The following SENP6 variants were observed in gnomAD, a reference collection of about 807,000 sequenced individuals.
SENP6 encodes the protein sentrin-specific protease 6.
A neutral mutation model predicts 134.5 loss-of-function variants in SENP6; 41 were observed. The ratio of observed to expected loss-of-function variants is 0.30; its 90% CI spans 0.24 to 0.40. SENP6 has a LOEUF of 0.40. Among genes scored for constraint, SENP6 ranks in the 10% least tolerant of loss-of-function variants. SENP6 has a pLI of 1.00. For synonymous variants in SENP6, 395 were observed against 429.8 expected (o/e 0.92, Z 1.00); for missense variants, 1,248 against 1,312.5 (o/e 0.95, Z 0.76).
At chr6:75,694,172 C>T (rs1774494676) in intron 16 of SENP6, among the ~76,000 whole-genome samples, 1 of 152,176 alleles carries the variant, frequency 6.6e-6, no homozygotes, top group Non-Finnish European at 1.5e-5. Flanking sequence ...AAGAGAATCG[C>T]TTGAACCCGG....
At chr6:75,699,336 A>G (rs1339652248) in intron 18 of SENP6, among the ~76,000 whole-genome samples, 1 of 124,620 alleles carries the variant, frequency 8.0e-6, no homozygotes, top group Non-Finnish European at 1.6e-5. Context: ...AAATCAAGAG[A>G]GCTTGTTTTT....
At chr6:75,623,104 A>G (rs528147300) in intron 2 of SENP6, among the ~76,000 whole-genome samples, 4 of 152,350 alleles carry the variant, frequency 2.6e-5, no homozygotes, top group East Asian at 1.9e-4. Flanking sequence ...GTAATACAAC[A>G]TTTTACATTT....
At chr6:75,625,593 G>A (rs1768621299) in intron 3 of SENP6, among the ~76,000 whole-genome samples, 1 of 152,176 alleles carries the variant, frequency 6.6e-6, no homozygotes, top group South Asian at 2.1e-4. Context: ...TTGGGGCTGG[G>A]CACAGTGGCT....
chr6:75,693,225 C>A (rs930687524), intron 16 of SENP6, among the ~76,000 whole-genome samples: 2 of 151,472 alleles, frequency 1.3e-5, no homozygotes, highest in Admixed American at 6.6e-5. Flanking sequence ...CATGGTGAAA[C>A]CTGGCCTCTA....
rs768340836 is a variant in SENP6 at position 75,677,198 on chromosome 6, G to T, written c.1790G>T (p.Arg597Ile). ...AATGGCAGACTTGTTGCCTGTACAA[G>T]AACCTATGAAGAGAGCATCAAAGGA... ...EANGRLVACT[R>I]TYEESIKGSC... Residue 597 changes from arginine (R) to isoleucine (I), a missense_variant, in exon 14 of 24, where the codon AGA becomes ATA. This residue lies in a region of SENP6 where 733 missense variants were observed against 725.4 expected (regional missense o/e 1.01). Coordinates refer to ENST00000447266, the MANE Select transcript of SENP6 (RefSeq NM_015571.4). 1 of 1,612,204 alleles carries T rather than the reference G, an allele frequency of 6.2e-7. No individual in the cohort carries two copies. Among genetic ancestry groups the T allele is most frequent in the Non-Finnish European group, 8.5e-7 (1 of 1,179,026 alleles).
intron 17 of SENP6, among the ~76,000 whole-genome samples, chr6:75,697,012 A>G (rs1363966721): frequency 6.6e-6 from 1 of 152,196 alleles, no homozygotes; most frequent in African/African-American, 2.4e-5. Flanking sequence ...GGTTTTGACC[A>G]GTGCTCATGG....
chr6:75,668,392 T>C (rs1772412778), intron 10 of SENP6, among the ~76,000 whole-genome samples: 3 of 152,186 alleles, frequency 2.0e-5, no homozygotes, highest in African/African-American at 7.2e-5. Flanking sequence ...TAGTAAGCTA[T>C]GTGACAAAGT....
chr6:75,633,065 TA>T (rs1769231670), intron 3 of SENP6, among the ~76,000 whole-genome samples: 1 of 152,226 alleles, frequency 6.6e-6, no homozygotes, highest in Non-Finnish European at 1.5e-5. Context: ...GCCTGTTATA[TA>T]CTGTGATCTC....
chr6:75,694,170 C>T (rs187905288), intron 16 of SENP6, among the ~76,000 whole-genome samples: 169 of 152,256 alleles, frequency 1.1e-3, no homozygotes, highest in African/African-American at 3.9e-3. Flanking sequence ...GCAAGAGAAT[C>T]GCTTGAACCC....
At chr6:75,623,347 A>G (rs569097166) in intron 2 of SENP6, among the ~76,000 whole-genome samples, 1 of 152,308 alleles carries the variant, frequency 6.6e-6, no homozygotes, top group East Asian at 1.9e-4. Context: ...GTTAATAGAT[A>G]CATTAGTTTA....
intron 18 of SENP6, among the ~76,000 whole-genome samples, chr6:75,701,459 A>G (rs554063556): frequency 1.3e-5 from 2 of 152,306 alleles, no homozygotes; most frequent in African/African-American, 2.4e-5. Context: ...TTTTTAATGT[A>G]TTAAATTTCA....
intron 7 of SENP6, among the ~76,000 whole-genome samples, chr6:75,656,015 G>A (rs1021521762): frequency 7.2e-5 from 11 of 151,960 alleles, no homozygotes; most frequent in African/African-American, 2.7e-4. Flanking sequence ...AGGAGTTCGA[G>A]ACCAGCCTGG....
At chr6:75,621,492 T>A (rs372986825) in intron 1 of SENP6, 40 bp from the exon 2 acceptor site, 1 of 1,145,038 alleles carries the variant, frequency 8.7e-7, no homozygotes, top group African/African-American at 1.5e-5. Flanking sequence ...ATTGAATAGC[T>A]CTATTAATGA....
intron 1 of SENP6, among the ~76,000 whole-genome samples, chr6:75,619,854 G>C (rs560655142): frequency 1.3e-5 from 2 of 152,216 alleles, no homozygotes; most frequent in South Asian, 4.2e-4. Context: ...ACTTTGAGTG[G>C]CTGAGGCAGG....
chr6:75,666,760 G>A lies in SENP6; in HGVS notation c.1043G>A (p.Arg348Lys). Residue 348 changes from arginine to lysine, a missense_variant, in exon 10 of 24, where the codon AGA becomes AAA. Arg to Lys is a conservative substitution (Grantham distance 26, BLOSUM62 2). Coordinates refer to ENST00000447266, the MANE Select transcript of SENP6 (RefSeq NM_015571.4). ...DDDDNDRTNR[R>K]ESISPQPADS... ...GATGACAACGACAGAACTAACAGAA[G>A]AGAAAGCATATCTCCTCAGCCTGCT... The A allele has an allele frequency of 6.2e-7, 1 of 1,608,592 alleles. No individual in the cohort carries two copies. The highest frequency in any genetic ancestry group is 8.5e-7 in the Non-Finnish European group (1 of 1,175,998).
chr6:75,714,335 A>G (rs913373368), intron 23 of SENP6, among the ~76,000 whole-genome samples: 1 of 152,164 alleles, frequency 6.6e-6, no homozygotes, highest in Admixed American at 6.6e-5. Context: ...AGTACCACAC[A>G]TAACCTCTCT....
At position 75,703,043 on chromosome 6, in the gene SENP6, A is replaced by T; in HGVS notation, c.2687A>T (p.Asn896Ile). Reference sequence around the variant, plus strand: ...ACTAAAAGTGAGAATGGCCTACAGAATGAAAGTTTAAGTTCCACACATCAT... The same window carrying T: ...ACTAAAAGTGAGAATGGCCTACAGATTGAAAGTTTAAGTTCCACACATCAT... ...DRTKSENGLQ[N>I]ESLSSTHHTD... The change falls in exon 19 of 24, where the codon AAT becomes ATT. Residue 896 changes from asparagine (N) to isoleucine (I), a missense_variant. By Grantham distance (149) the Asn-to-Ile change is moderately radical. Transcript: ENST00000447266. 6.2e-7 allele frequency: 1 copy of T among 1,609,914 alleles called. No homozygotes were observed. Among genetic ancestry groups the T allele is most frequent in the Non-Finnish European group, 8.5e-7 (1 of 1,178,648 alleles).
chr6:75,621,452 G>T, intron 1 of SENP6, 80 bp from the exon 2 acceptor site: 1 of 844,058 alleles, frequency 1.2e-6, no homozygotes, highest in South Asian at 1.7e-5. Flanking sequence ...AATAATCAAA[G>T]AGCTTGGGAA....
At chr6:75,708,072 T>G (rs1775522504) in intron 19 of SENP6, among the ~76,000 whole-genome samples, 1 of 152,188 alleles carries the variant, frequency 6.6e-6, no homozygotes, top group Middle Eastern at 3.2e-3. Context: ...TCTCTTCTCC[T>G]TTTTTGAGAC....
Sources: allele counts gnomAD v4.1 joint callset (sites outside exome capture counted in the v4.1 genomes callset), GRCh38; gene constraint gnomAD v4.1.1; regional missense constraint gnomAD v4.1.1; transcripts MANE v1.5; gene names NCBI Gene and HGNC (gene_info 2026-07-23, HGNC 2026-07-21).